SKAP2: variants seen among roughly 807,000 people sequenced by gnomAD.
SKAP2 encodes src kinase-associated phosphoprotein 2.
In SKAP2, 28 loss-of-function variants were observed where a neutral mutation model predicts 54.9. The ratio of observed to expected loss-of-function variants is 0.51; its 90% CI spans 0.38 to 0.70. The LOEUF is 0.70. SKAP2 is among the 30% of genes least tolerant of loss of function. The pLI, the probability that SKAP2 is intolerant of heterozygous loss-of-function variation, is 0.00. For synonymous variants in SKAP2, 137 were observed against 134.3 expected (o/e 1.02, Z -0.14); for missense variants, 356 against 424.1 (o/e 0.84, Z 1.41).
intron 9 of SKAP2, among the ~76,000 whole-genome samples, chr7:26,705,512 G>T (rs1787137514): frequency 6.6e-6 from 1 of 152,132 alleles, no homozygotes; most frequent in South Asian, 2.1e-4. Flanking sequence ...TTAACTGCAT[G>T]ACTTATTTAC....
At position 26,738,788 on chromosome 7, in the gene SKAP2, A is replaced by G. The variant is rs974695566; in HGVS notation, c.469+7T>C. On this transcript the variant is annotated splice_region_variant and intron_variant, in intron 6 of 12. Transcript: ENST00000345317. ...TAGTAGTTGATATAATTGAACACCA[A>G]CATTACCTTTATCACTTCCATAATA... 8 of 1,543,884 alleles carry G rather than the reference A, an allele frequency of 5.2e-6. No homozygotes were observed. Among genetic ancestry groups the G allele is most frequent in the Non-Finnish European group, 7.2e-6 (8 of 1,117,552 alleles).
At chr7:26,763,619 T>G (rs757717667) in intron 4 of SKAP2, among the ~76,000 whole-genome samples, 1 of 152,166 alleles carries the variant, frequency 6.6e-6, no homozygotes, top group Non-Finnish European at 1.5e-5. Context: ...AGTTTTAACA[T>G]CTATAGATTT....
intron 9 of SKAP2, among the ~76,000 whole-genome samples, chr7:26,715,332 A>T (rs1207055500): frequency 2.0e-5 from 3 of 152,050 alleles, no homozygotes; most frequent in South Asian, 4.1e-4. Flanking sequence ...TTGGTTCTTT[A>T]AAAAAATCTG....
chr7:26,720,051 AACACACACAC>A (rs57945020), intron 9 of SKAP2, among the ~76,000 whole-genome samples: 14 of 141,816 alleles, frequency 9.9e-5, no homozygotes, highest in East Asian at 4.3e-4. Flanking sequence ...ACATATCTGT[AACACACACAC>A]ACACACACAC....
chr7:26,729,007 A>G (rs752947782), intron 6 of SKAP2, among the ~76,000 whole-genome samples: 2 of 152,184 alleles, frequency 1.3e-5, no homozygotes, highest in African/African-American at 2.4e-5. Flanking sequence ...ACCTGGAGAT[A>G]TAAAATCAGC....
chr7:26,809,547 A>G (rs556402), intron 4 of SKAP2, among the ~76,000 whole-genome samples: 79,350 of 152,040 alleles, frequency 0.52, 21,350 homozygotes, highest in East Asian at 0.86. Flanking sequence ...TTAAAACCAC[A>G]ATGAGATAAC....
At chr7:26,823,874 G>T (rs1444806505) in intron 4 of SKAP2, among the ~76,000 whole-genome samples, 1 of 152,106 alleles carries the variant, frequency 6.6e-6, no homozygotes, top group Non-Finnish European at 1.5e-5. Context: ...TGCTTCTCAG[G>T]GTGAGCAAAG....
At chr7:26,718,395 T>C (rs1309868662) in intron 9 of SKAP2, among the ~76,000 whole-genome samples, 1 of 152,066 alleles carries the variant, frequency 6.6e-6, no homozygotes, top group African/African-American at 2.4e-5. Flanking sequence ...TATATGTATA[T>C]GTATATTTAA....
chr7:26,760,401 T>G (rs1402889366), intron 4 of SKAP2, among the ~76,000 whole-genome samples: 1 of 152,170 alleles, frequency 6.6e-6, no homozygotes, highest in Admixed American at 6.6e-5. Flanking sequence ...CTGGTTATAG[T>G]CACGCTCCCT....
intron 4 of SKAP2, among the ~76,000 whole-genome samples, chr7:26,761,864 C>A (rs879767474): frequency 6.6e-6 from 1 of 152,200 alleles, no homozygotes; most frequent in South Asian, 2.1e-4. Context: ...TGTGCCATTG[C>A]GCTCTAGCCA....
intron 4 of SKAP2, among the ~76,000 whole-genome samples, chr7:26,755,996 G>T (rs774342892): frequency 6.6e-6 from 1 of 152,076 alleles, no homozygotes; most frequent in African/African-American, 2.4e-5. Context: ...TACCATTTGT[G>T]ACAACAGAAA....
chr7:26,762,619 C>T (rs972404255), intron 4 of SKAP2, among the ~76,000 whole-genome samples: 1 of 151,748 alleles, frequency 6.6e-6, no homozygotes, highest in Non-Finnish European at 1.5e-5. Flanking sequence ...GGGCAGATCA[C>T]GAAGTCAGGA....
intron 4 of SKAP2, among the ~76,000 whole-genome samples, chr7:26,753,837 C>G (rs1782734314): frequency 6.6e-6 from 1 of 151,994 alleles, no homozygotes; most frequent in Admixed American, 6.6e-5. Context: ...ATTCAAGAAA[C>G]CAATGAGGAG....
intron 4 of SKAP2, among the ~76,000 whole-genome samples, chr7:26,829,664 C>T (rs955303992): frequency 6.6e-6 from 1 of 152,114 alleles, no homozygotes; most frequent in African/African-American, 2.4e-5. Context: ...AGGTGATTAA[C>T]ATTATTAGTC....
At chr7:26,789,565 T>C (rs569580349) in intron 4 of SKAP2, among the ~76,000 whole-genome samples, 1 of 152,320 alleles carries the variant, frequency 6.6e-6, no homozygotes, top group African/African-American at 2.4e-5. Flanking sequence ...TTTTGCATCA[T>C]ATTACCTAAT....
intron 6 of SKAP2, among the ~76,000 whole-genome samples, chr7:26,737,932 A>T (rs890298001): frequency 3.9e-5 from 6 of 152,156 alleles, no homozygotes; most frequent in Admixed American, 6.5e-5. Flanking sequence ...ATGGACTCTA[A>T]CCATATTCTC....
the SKAP2 span, among the ~76,000 whole-genome samples, chr7:26,656,019 G>A: frequency 3.3e-5 from 5 of 152,116 alleles, no homozygotes; most frequent in African/African-American, 4.8e-5. Context: ...GTGTGTTTAC[G>A]TCCCCCCAAA....
chr7:26,804,692 T>A (rs1470395301), intron 4 of SKAP2, among the ~76,000 whole-genome samples: 7 of 139,932 alleles, frequency 5.0e-5, no homozygotes, highest in Non-Finnish European at 3.0e-5. Context: ...TGAGCCGAAA[T>A]AGCACCACTG....
intron 4 of SKAP2, among the ~76,000 whole-genome samples, chr7:26,748,261 T>C (rs1029445056): frequency 2.6e-5 from 4 of 152,190 alleles, no homozygotes; most frequent in Non-Finnish European, 4.4e-5. Context: ...TGTTAAAATA[T>C]ATTAAACTTG....
Sources: allele counts gnomAD v4.1 joint callset (sites outside exome capture counted in the v4.1 genomes callset), GRCh38; gene constraint gnomAD v4.1.1; transcripts MANE v1.5; gene names NCBI Gene and HGNC (gene_info 2026-07-23, HGNC 2026-07-21).